Variants in BMPR1B observed in about 807,000 individuals in gnomAD.
BMPR1B encodes the protein bone morphogenetic protein receptor type 1B, also known as bone morphogenetic protein receptor type-1B.
Under a neutral mutation model 59.1 loss-of-function variants are expected in BMPR1B, and 12 were observed. That is an observed-to-expected ratio of 0.20 (90% CI 0.13 to 0.33). The LOEUF is 0.33. BMPR1B is among the 10% of genes least tolerant of loss of function. The pLI, the probability that BMPR1B is intolerant of heterozygous loss-of-function variation, is 1.00. For synonymous variants in BMPR1B, 237 were observed against 207.3 expected (o/e 1.14, Z -1.23); for missense variants, 550 against 610.9 (o/e 0.90, Z 1.05).
Position 95,020,544 on chromosome 4 carries a change from G to A in BMPR1B, c.-18+24410G>A, listed in dbSNP as rs572688064. On this transcript the variant is annotated intron_variant, in intron 3 of 12. Coordinates refer to ENST00000515059, the MANE Select transcript of BMPR1B (RefSeq NM_001203.3). ...CAGTGAGCCGAGATTGCGCCACTGC[G>A]CTCCAGACTGGTGACAGAACAAGAC... Among the ~76,000 whole-genome samples the A allele has an allele frequency of 8.8e-4, 130 of 148,322 alleles. 1 individual carries two copies. Among genetic ancestry groups the A allele is most frequent in the African/African-American group, 2.7e-3 (106 of 39,816 alleles).
In BMPR1B at chr4:94,811,681, A is replaced by G. The variant is rs1353583146; in HGVS notation, c.-183+53613A>G. 2.0e-5 allele frequency among the ~76,000 whole-genome samples: 3 copies of G among 152,190 alleles called. No individual in the cohort carries two copies. In the East Asian group the frequency reaches 5.8e-4, roughly 29 times the overall value. On this transcript the variant is annotated intron_variant, in intron 1 of 12. Transcript: ENST00000515059. ...AGTTCTAAGTTTTAAAGAACTGCTA[A>G]GCTTCGATACCTTGGTCATGACAAC...
intron 1 of BMPR1B, among the ~76,000 whole-genome samples, chr4:94,851,201 G>A (rs1725555084): frequency 6.6e-6 from 1 of 152,138 alleles, no homozygotes; most frequent in Non-Finnish European, 1.5e-5. Flanking sequence ...GATAGTTACC[G>A]TCCTCGTAGA....
chr4:95,131,101 TTGAA>T (rs1192113213), intron 9 of BMPR1B, 110 bp from the exon 10 acceptor site: 4 of 1,106,654 alleles, frequency 3.6e-6, no homozygotes, highest in Non-Finnish European at 5.3e-6. Context: ...AGTCAGGAAA[TTGAA>T]TGAAATGCTA....
intron 3 of BMPR1B, chr4:95,051,608 A>G (rs1726506613): frequency 1.7e-6 from 2 of 1,204,070 alleles, no homozygotes; most frequent in Non-Finnish European, 1.2e-6. Flanking sequence ...AGATCTGACA[A>G]GAGTGGCAGC....
intron 8 of BMPR1B, among the ~76,000 whole-genome samples, chr4:95,128,546 A>C (rs1459125058): frequency 6.6e-6 from 1 of 152,158 alleles, no homozygotes; most frequent in African/African-American, 2.4e-5. Context: ...TTTAAATTTA[A>C]TGCCACTTAA....
At chr4:94,917,081 T>A (rs1388528753) in intron 2 of BMPR1B, among the ~76,000 whole-genome samples, 2 of 152,032 alleles carry the variant, frequency 1.3e-5, no homozygotes, top group Non-Finnish European at 2.9e-5. Flanking sequence ...AACGAAAGAG[T>A]GAAGAATGCT....
At chr4:95,069,287 A>G (rs1355150367) in intron 3 of BMPR1B, among the ~76,000 whole-genome samples, 1 of 152,168 alleles carries the variant, frequency 6.6e-6, no homozygotes, top group Non-Finnish European at 1.5e-5. Context: ...GTCTATTCTT[A>G]GCATAGCAAT....
chr4:95,109,526 C>T (rs1579092559), intron 4 of BMPR1B, among the ~76,000 whole-genome samples: 2 of 152,120 alleles, frequency 1.3e-5, no homozygotes, highest in Middle Eastern at 6.8e-3. Flanking sequence ...AGCTTGTTTG[C>T]ACGTTTTACC....
At chr4:95,136,693 C>A (rs929029832) in intron 10 of BMPR1B, among the ~76,000 whole-genome samples, 1 of 152,082 alleles carries the variant, frequency 6.6e-6, no homozygotes, top group Non-Finnish European at 1.5e-5. Flanking sequence ...AGTTTATTTG[C>A]GTAGAGGTGT....
At position 94,849,911 on chromosome 4, in the gene BMPR1B, C is replaced by T. The variant is rs1054556002; in HGVS notation, c.-182-25920C>T. On this transcript the variant is annotated intron_variant, in intron 1 of 12. Coordinates refer to ENST00000515059, the MANE Select transcript of BMPR1B (RefSeq NM_001203.3). The stretch of plus-strand genomic sequence containing the variant: ...TGCAAGGCTAGTGCTCGGTGATTTT[C>T]GTAGACCAGCTGTTGCCTGTGCTAG... 1.1e-4 allele frequency among the ~76,000 whole-genome samples: 16 copies of T among 152,054 alleles called. No individual in the cohort carries two copies. In the East Asian group the frequency reaches 2.3e-3, roughly 22 times the overall value.
chr4:95,026,128 TTC>T (rs1193048528), intron 3 of BMPR1B, among the ~76,000 whole-genome samples: 4 of 147,806 alleles, frequency 2.7e-5, no homozygotes, highest in Non-Finnish European at 5.9e-5. Flanking sequence ...CTTTCTTTCT[TTC>T]TTTCTTTCTT....
intron 1 of BMPR1B, among the ~76,000 whole-genome samples, chr4:94,810,493 C>CT (rs1186994450): frequency 6.6e-6 from 1 of 152,124 alleles, no homozygotes; most frequent in Non-Finnish European, 1.5e-5. Context: ...GGAATGGAAA[C>CT]TTACAGTAAC....
chr4:94,840,522 A>G (rs1378014720), intron 1 of BMPR1B, among the ~76,000 whole-genome samples: 1 of 145,864 alleles, frequency 6.9e-6, no homozygotes, highest in Non-Finnish European at 1.5e-5. Context: ...TTCACCTTCC[A>G]TTGCTGATAC....
chr4:94,772,909 A>G (rs1722236074), intron 1 of BMPR1B, among the ~76,000 whole-genome samples: 2 of 152,094 alleles, frequency 1.3e-5, no homozygotes, highest in South Asian at 4.1e-4. Flanking sequence ...ACCCTTCATA[A>G]TTGTATTATG....
Position 95,156,226 on chromosome 4 carries a change from A to T in BMPR1B, c.*1553A>T, listed in dbSNP as rs2149334937. The T allele has an allele frequency of 6.6e-6, 1 of 152,146 alleles. No individual in the cohort carries two copies. The highest frequency in any genetic ancestry group is 2.4e-5 in the African/African-American group (1 of 41,518). The allele number at this position is 152,146 out of a possible 1,614,324, so 9.4% of individuals were successfully genotyped here. A position where few individuals can be genotyped will look rare whatever the true frequency, so the allele number is the denominator to read the frequency against. On this transcript the variant is annotated 3_prime_UTR_variant, in exon 13 of 13. Transcript: ENST00000515059. ...AGTTGTACACATCCTGCTCAACTTT[A>T]TTCATATACATTTCCTTTCTGTGGT...
intron 2 of BMPR1B, among the ~76,000 whole-genome samples, chr4:94,963,297 T>A (rs1383548645): frequency 1.3e-5 from 2 of 152,190 alleles, no homozygotes; most frequent in African/African-American, 4.8e-5. Context: ...GTAGGATAGC[T>A]CTCCACTTTG....
intron 12 of BMPR1B, among the ~76,000 whole-genome samples, chr4:95,154,209 A>G (rs1225756211): frequency 6.6e-6 from 1 of 152,210 alleles, no homozygotes; most frequent in South Asian, 2.1e-4. Context: ...GAATTAGATA[A>G]AAGATTAAAA....
intron 2 of BMPR1B, among the ~76,000 whole-genome samples, chr4:94,978,253 A>G (rs1239462710): frequency 6.6e-6 from 1 of 152,248 alleles, no homozygotes; most frequent in African/African-American, 2.4e-5. Flanking sequence ...TAAAACAACA[A>G]AACAATTTTA....
chr4:94,839,191 AT>A (rs1471085813), intron 1 of BMPR1B, among the ~76,000 whole-genome samples: 3 of 128,142 alleles, frequency 2.3e-5, no homozygotes, highest in Non-Finnish European at 5.1e-5. Context: ...TATGTGGTCA[AT>A]TTTGGAATAG....
Sources: allele counts gnomAD v4.1 joint callset (sites outside exome capture counted in the v4.1 genomes callset), GRCh38; gene constraint gnomAD v4.1.1; transcripts MANE v1.5; gene names NCBI Gene and HGNC (gene_info 2026-07-23, HGNC 2026-07-21).